The following GSG1L variants were observed in gnomAD, a reference collection of about 807,000 sequenced individuals.
GSG1L encodes the protein GSG1 like.
GSG1L carries 24 observed loss-of-function variants against 42.1 expected under a neutral mutation model. The observed-to-expected ratio is 0.57, with a 90% CI of 0.41 to 0.80. The LOEUF is 0.80. GSG1L is among the 30% of genes least tolerant of loss of function. The pLI, the probability that GSG1L is intolerant of heterozygous loss-of-function variation, is 0.00. For missense variants in GSG1L, 445 were observed against 472.2 expected, an observed-to-expected ratio of 0.94 and a Z score of 0.53; for synonymous variants, 215 against 203.5, an observed-to-expected ratio of 1.06 and a Z score of -0.48.
chr16:27,809,027 A>G (rs2140945422), intron 5 of GSG1L, among the ~76,000 whole-genome samples: 1 of 152,282 alleles, frequency 6.6e-6, no homozygotes, highest in Non-Finnish European at 1.5e-5. Context: ...ACCCAGGTAA[A>G]TTCCAGAGTT....
chr16:27,881,673 T>C, intron 3 of GSG1L, among the ~76,000 whole-genome samples: 1 of 152,220 alleles, frequency 6.6e-6, no homozygotes, highest in East Asian at 1.9e-4. Flanking sequence ...GGAGGAAAGC[T>C]AAATGACAGC....
At position 27,788,389 on chromosome 16, in the gene GSG1L, G is replaced by C. The variant is rs939364270; in HGVS notation, c.*2981C>G. 6.6e-6 allele frequency: 1 copy of C among 152,140 alleles called. No individual in the cohort carries two copies. The highest frequency in any genetic ancestry group is 1.5e-5 in the Non-Finnish European group (1 of 68,064). The allele number at this position is 152,140 out of a possible 1,614,324, so 9.4% of individuals were successfully genotyped here. On this transcript the variant is annotated 3_prime_UTR_variant, in exon 7 of 7. Coordinates refer to ENST00000447459, the MANE Select transcript of GSG1L (RefSeq NM_001109763.2). ...ATCTTCCTCAAATGTACACCCAGGC[G>C]CATCCCAGTCTGCTAAAAGCATCTC...
At chr16:27,955,355 T>C (rs897750500) in intron 2 of GSG1L, among the ~76,000 whole-genome samples, 1 of 151,678 alleles carries the variant, frequency 6.6e-6, no homozygotes, top group African/African-American at 2.4e-5. Context: ...GATTGAAATA[T>C]AAAAATTGAA....
At chr16:27,980,969 G>A (rs1191847344) in intron 1 of GSG1L, among the ~76,000 whole-genome samples, 1 of 151,616 alleles carries the variant, frequency 6.6e-6, no homozygotes, top group Non-Finnish European at 1.5e-5. Flanking sequence ...TGAATCACTT[G>A]TCTAACTTTA....
At chr16:27,930,082 A>G (rs952562710) in intron 2 of GSG1L, among the ~76,000 whole-genome samples, 3 of 151,902 alleles carry the variant, frequency 2.0e-5, no homozygotes, top group Admixed American at 6.6e-5. Context: ...TGGCACTTAC[A>G]TGCCTCTGGG....
rs561933282 is a variant in GSG1L, at chr16:27,879,982, C to T, written c.550+4504G>A. Among the ~76,000 whole-genome samples the T allele has an allele frequency of 2.7e-3, 405 of 151,330 alleles. 1 individual carries two copies. The highest frequency in any genetic ancestry group is 4.2e-3 in the Non-Finnish European group (288 of 67,834). ...AAAGGGCTGCCCCAGTCTCTGCTTT[C>T]TCTACCAAGGCACTGACCTTGGGCT... On this transcript the variant is annotated intron_variant, in intron 3 of 6. Transcript: ENST00000447459.
chr16:28,048,182 G>C (rs990468241), intron 1 of GSG1L, among the ~76,000 whole-genome samples: 1 of 151,976 alleles, frequency 6.6e-6, no homozygotes, highest in Non-Finnish European at 1.5e-5. Context: ...GAGCCATGAT[G>C]TTGTCACTGC....
intron 1 of GSG1L, among the ~76,000 whole-genome samples, chr16:28,011,293 C>T (rs541004021): frequency 6.6e-6 from 1 of 152,350 alleles, no homozygotes; most frequent in African/African-American, 2.4e-5. Context: ...GAGAGCCTCC[C>T]AGCCCAGCCG....
chr16:27,901,714 A>G (rs1208576397), intron 2 of GSG1L, among the ~76,000 whole-genome samples: 1 of 152,210 alleles, frequency 6.6e-6, no homozygotes, highest in Non-Finnish European at 1.5e-5. Flanking sequence ...AAATGTAAAT[A>G]CCATCGGGTC....
chr16:27,923,722 G>A (rs1184950777), intron 2 of GSG1L, among the ~76,000 whole-genome samples: 2 of 121,160 alleles, frequency 1.7e-5, no homozygotes, highest in East Asian at 2.3e-4. Context: ...CAACAGAGCA[G>A]GACTCTGTCA....
At position 28,045,749 on chromosome 16, in the gene GSG1L, G is replaced by T. The variant is rs114129072; in HGVS notation, c.349+17327C>A. ...TACCAGGCCAATTAAAAACCCAACA[G>T]TTTTGGGAAGTTGAGGCAGGTGGAT... On this transcript the variant is annotated intron_variant, in intron 1 of 6. Transcript: ENST00000447459. Among the ~76,000 whole-genome samples the T allele has an allele frequency of 4.9e-3, 737 of 151,864 alleles. 3 individuals are homozygous for T. The highest frequency in any genetic ancestry group is 0.014 in the African/African-American group (589 of 41,386).
intron 2 of GSG1L, among the ~76,000 whole-genome samples, chr16:27,937,900 C>T (rs969043936): frequency 6.6e-5 from 10 of 152,104 alleles, no homozygotes; most frequent in Admixed American, 2.6e-4. Flanking sequence ...TCTACACATC[C>T]GTTTCATTCT....
At chr16:27,979,661 A>AAG (rs1555512078) in intron 1 of GSG1L, among the ~76,000 whole-genome samples, 9 of 67,694 alleles carry the variant, frequency 1.3e-4, no homozygotes, top group African/African-American at 1.9e-4. Flanking sequence ...GAAAGAAAGA[A>AAG]AGAGAGAGAG....
At chr16:28,024,230 A>G (rs1402915856) in intron 1 of GSG1L, among the ~76,000 whole-genome samples, 3 of 152,150 alleles carry the variant, frequency 2.0e-5, no homozygotes, top group African/African-American at 7.2e-5. Context: ...ACCAGGTGAG[A>G]CACATGGAGC....
chr16:28,012,996 G>A (rs559448906), intron 1 of GSG1L, among the ~76,000 whole-genome samples: 7 of 151,972 alleles, frequency 4.6e-5, no homozygotes, highest in East Asian at 1.9e-4. Flanking sequence ...AGGCCGAGGC[G>A]GGTGGATCAC....
intron 1 of GSG1L, among the ~76,000 whole-genome samples, chr16:28,043,405 G>A (rs1256746941): frequency 1.3e-5 from 2 of 152,152 alleles, no homozygotes; most frequent in South Asian, 4.1e-4. Context: ...ACCAACAGCT[G>A]GAGGACGAAC....
intron 6 of GSG1L, among the ~76,000 whole-genome samples, chr16:27,806,656 C>T (rs1366724810): frequency 6.6e-6 from 1 of 152,162 alleles, no homozygotes; most frequent in Non-Finnish European, 1.5e-5. Context: ...GGGAAGCCTC[C>T]AGGCACAGAG....
At chr16:27,978,109 G>A (rs1313856603) in intron 1 of GSG1L, among the ~76,000 whole-genome samples, 5 of 152,230 alleles carry the variant, frequency 3.3e-5, no homozygotes, top group African/African-American at 1.2e-4. Flanking sequence ...AGACTGCCAT[G>A]AAACGGAGAG....
intron 3 of GSG1L, among the ~76,000 whole-genome samples, chr16:27,874,266 T>C (rs1400415999): frequency 6.6e-6 from 1 of 151,948 alleles, no homozygotes; most frequent in Non-Finnish European, 1.5e-5. Context: ...GGAGGGTCAC[T>C]AAAAAGATCA....
Sources: allele counts gnomAD v4.1 joint callset (sites outside exome capture counted in the v4.1 genomes callset), GRCh38; gene constraint gnomAD v4.1.1; transcripts MANE v1.5; gene names NCBI Gene and HGNC (gene_info 2026-07-23, HGNC 2026-07-21).